The following PACS2 variants were observed in gnomAD, a reference collection of about 807,000 sequenced individuals.
PACS2 encodes the protein phosphofurin acidic cluster sorting protein 2.
In PACS2, 36 loss-of-function variants were observed where a neutral mutation model predicts 113.0. That is an observed-to-expected ratio of 0.32 (90% CI 0.24 to 0.42). PACS2 has a LOEUF of 0.42. Ranked by LOEUF, PACS2 falls within the 10% of genes least tolerant of loss-of-function variation. PACS2 has a pLI of 1.00. For missense variants in PACS2, 1,015 were observed against 1,239.5 expected (o/e 0.82, Z 2.72); for synonymous variants, 589 against 536.1 (o/e 1.10, Z -1.36).
intron 9 of PACS2, among the ~76,000 whole-genome samples, chr14:105,378,834 C>G (rs1307703045): frequency 1.3e-5 from 2 of 152,218 alleles, no homozygotes; most frequent in African/African-American, 4.8e-5. Context: ...TGGCCTGGAT[C>G]GGCCAGATGG....
At chr14:105,393,929 C>T (rs2081451915) in intron 24 of PACS2, among the ~76,000 whole-genome samples, 2 of 150,944 alleles carry the variant, frequency 1.3e-5, no homozygotes, top group East Asian at 3.9e-4. Flanking sequence ...GTTGGCTGAG[C>T]GCAGAGGCTG....
chr14:105,392,296 C>T, intron 22 of PACS2: 2 of 414,514 alleles, frequency 4.8e-6, no homozygotes, highest in Non-Finnish European at 8.8e-6. Context: ...TTTCCAGCCG[C>T]CGGCTCCTTC....
Position 105,307,737 on chromosome 14 carries a change from C to T in PACS2, c.-83+6758C>T, listed in dbSNP as rs147552484. Among the ~76,000 whole-genome samples, 388 of 152,356 alleles carry T rather than the reference C, an allele frequency of 2.5e-3. 4 individuals are homozygous for T. Among genetic ancestry groups the T allele is most frequent in the African/African-American group, 8.9e-3 (371 of 41,582 alleles). On this transcript the variant is annotated intron_variant, in intron 1 of 23. Coordinates refer to the PACS2 transcript ENST00000430725. ...GGTTTCTACTTCCTCATCTGCATAA[C>T]AGGGATAAGAATAGCCCACCCTAGC...
At position 105,385,692 on chromosome 14, in the gene PACS2, C is replaced by G; in HGVS notation, c.2008C>G (p.His670Asp). Residue 670 changes from histidine (H) to aspartate (D), a missense_variant, in exon 19 of 25, where the codon CAT becomes GAT. Physicochemically the swap from His to Asp is moderately conservative, Grantham distance 81 (BLOSUM62 -1). This residue lies in a region of PACS2 where 859 missense variants were observed against 1,056.8 expected (regional missense o/e 0.81). Transcript: ENST00000447393. ...TGGTGGCTTTCTGAAAAGGAAAAAG[C>G]ATTTTCATTTTGACTTTACCCTAAG... The part of the protein sequence containing the change: ...MLTYKQKRKK[H>D]FHFDFTLSPD... 1.3e-6 allele frequency: 2 copies of G among 1,521,716 alleles called. No individual in the cohort carries two copies. The highest frequency in any genetic ancestry group is 1.8e-6 in the Non-Finnish European group (2 of 1,137,960). 94.3% of individuals were successfully genotyped at this position (1,521,716 alleles called of 1,614,324 possible).
Position 105,382,074 on chromosome 14 carries a change from G to A in PACS2, c.1413+16G>A, listed in dbSNP as rs375220719. 21 of 1,543,452 alleles carry A rather than the reference G, an allele frequency of 1.4e-5. No homozygotes were observed. The highest frequency in any genetic ancestry group is 3.6e-5 in the South Asian group (3 of 83,346). On this transcript the variant is annotated intron_variant, in intron 13 of 24. Coordinates refer to ENST00000447393, the MANE Select transcript of PACS2 (RefSeq NM_001100913.3). ...GCAGCTGCAGGTGGGGGTGGAGGGC[G>A]TGGCACGCCCAGGAGGCAGGGCTCG...
Position 105,317,623 on chromosome 14 carries a change from T to C in PACS2, c.119+2586T>C, listed in dbSNP as rs1566896145. 6.6e-6 allele frequency among the ~76,000 whole-genome samples: 1 copy of C among 152,248 alleles called. No individual in the cohort carries two copies. The highest frequency in any genetic ancestry group is 1.9e-4 in the East Asian group (1 of 5,202). ...TTCCTGTTCCTTTGCCAGTTTTTTT[T>C]TCTCTTTTTTTCTGCTTGAGTTTCA... On this transcript the variant is annotated intron_variant, in intron 1 of 24. Transcript: ENST00000447393. The surrounding 1 kb of genome is among the most constrained non-coding windows in gnomAD (Gnocchi z 4.2).
At chr14:105,351,630 G>A (rs779192950) in intron 2 of PACS2, among the ~76,000 whole-genome samples, 15 of 152,176 alleles carry the variant, frequency 9.9e-5, no homozygotes, top group Non-Finnish European at 2.2e-4. Flanking sequence ...TTGAACTCAG[G>A]AGTTGGAGAC....
At chr14:105,347,467 C>T (rs1555402930) in intron 1 of PACS2, among the ~76,000 whole-genome samples, 1 of 152,104 alleles carries the variant, frequency 6.6e-6, no homozygotes, top group African/African-American at 2.4e-5. Flanking sequence ...GTGTCTGGCG[C>T]CTGTTCTGGT....
intron 3 of PACS2, among the ~76,000 whole-genome samples, chr14:105,353,739 A>G (rs138448486): frequency 7.3e-5 from 11 of 151,690 alleles, no homozygotes; most frequent in African/African-American, 2.7e-4. Context: ...GATTACAGGC[A>G]TGTGCCACCA....
chr14:105,369,303 C>T (rs1463556987), intron 7 of PACS2, among the ~76,000 whole-genome samples: 2 of 152,230 alleles, frequency 1.3e-5, no homozygotes, highest in African/African-American at 4.8e-5. Flanking sequence ...CCAGGGCCCC[C>T]TTGGGCCCAA....
chr14:105,378,715 A>T (rs1234757794), intron 9 of PACS2, among the ~76,000 whole-genome samples: 1 of 152,168 alleles, frequency 6.6e-6, no homozygotes, highest in Non-Finnish European at 1.5e-5. Flanking sequence ...CTCCTGTCAA[A>T]TTTTTTTCAC....
intron 1 of PACS2, among the ~76,000 whole-genome samples, chr14:105,333,910 A>G (rs930314117): frequency 3.3e-5 from 5 of 152,144 alleles, no homozygotes; most frequent in Non-Finnish European, 4.4e-5. Context: ...TGTCACACGC[A>G]CCTGCCTGTG....
intron 16 of PACS2, chr14:105,384,112 C>T: frequency 5.7e-6 from 3 of 522,046 alleles, no homozygotes; most frequent in Non-Finnish European, 1.0e-5. Context: ...CCTGCTGGGC[C>T]TTCCTCAGTG....
intron 3 of PACS2, 27 bp downstream of exon 3, chr14:105,352,494 A>G: frequency 7.2e-7 from 1 of 1,392,390 alleles, no homozygotes; most frequent in Non-Finnish European, 1.0e-6. Flanking sequence ...TGGTGACGAC[A>G]CCCTCATCAC....
intron 5 of PACS2, among the ~76,000 whole-genome samples, chr14:105,367,695 GTGCCACAGC>G (rs1340670780): frequency 6.6e-6 from 1 of 152,376 alleles, no homozygotes; most frequent in African/African-American, 2.4e-5. Context: ...CCATGGGCAG[GTGCCACAGC>G]TGCCGCCACC....
At chr14:105,322,506 T>C (rs1394994852) in intron 1 of PACS2, among the ~76,000 whole-genome samples, 1 of 152,196 alleles carries the variant, frequency 6.6e-6, no homozygotes, top group African/African-American at 2.4e-5. Flanking sequence ...CCTCAAATGA[T>C]CTGCCCGCCT....
At chr14:105,382,147 G>A (rs1555412238) in intron 13 of PACS2, 89 bp downstream of exon 13, 1 of 1,371,848 alleles carries the variant, frequency 7.3e-7, no homozygotes, top group African/African-American at 1.4e-5. Context: ...GAAGCACAGG[G>A]GGCCAAGGGT....
intron 1 of PACS2, among the ~76,000 whole-genome samples, chr14:105,345,675 G>A (rs782609359): frequency 1.3e-5 from 2 of 152,168 alleles, no homozygotes; most frequent in Admixed American, 6.5e-5. Flanking sequence ...CTAGTCTAAC[G>A]CCATTTTGGT....
intron 18 of PACS2, 59 bp downstream of exon 18, chr14:105,385,046 G>A: frequency 1.8e-5 from 19 of 1,078,274 alleles, no homozygotes; most frequent in Non-Finnish European, 2.5e-5. Flanking sequence ...AACCCTCCGT[G>A]GGCCTCCCCA....
Sources: allele counts gnomAD v4.1 joint callset (sites outside exome capture counted in the v4.1 genomes callset), GRCh38; gene constraint gnomAD v4.1.1; regional missense constraint gnomAD v4.1.1; non-coding constraint Gnocchi (gnomAD v3.1); transcripts MANE v1.5; gene names NCBI Gene and HGNC (gene_info 2026-07-23, HGNC 2026-07-21).